Variants in UBE2F observed in about 807,000 individuals in gnomAD.
UBE2F encodes the protein ubiquitin conjugating enzyme E2 F (putative), also known as NEDD8-conjugating enzyme UBE2F.
UBE2F carries 5 observed loss-of-function variants against 29.6 expected under a neutral mutation model. That is an observed-to-expected ratio of 0.17 (90% confidence interval 0.09 to 0.36). The LOEUF (loss-of-function observed/expected upper bound fraction) is 0.36. Among genes scored for constraint, UBE2F ranks in the 10% least tolerant of loss-of-function variants. UBE2F has a pLI of 1.00. For synonymous variants in UBE2F, 66 were observed against 81.8 expected (o/e 0.81, Z 1.04); for missense variants, 141 against 228.5 (o/e 0.62, Z 2.47).
chr2:238,026,685 G>A (rs1227727278), intron 6 of UBE2F, among the ~76,000 whole-genome samples: 8 of 152,040 alleles, frequency 5.3e-5, no homozygotes, highest in Admixed American at 1.3e-4. Flanking sequence ...TGCCCGCCTC[G>A]GCCTCCTAGA....
rs991844258 is a variant in UBE2F at position 238,040,005 on chromosome 2, G to A, written c.508-1283G>A. Among the ~76,000 whole-genome samples the A allele has an allele frequency of 6.6e-6, 1 of 152,150 alleles. No individual in the cohort carries two copies. Among genetic ancestry groups the A allele is most frequent in the African/African-American group, 2.4e-5 (1 of 41,426 alleles). On this transcript the variant is annotated intron_variant, in intron 9 of 9. Transcript: ENST00000272930. This position sits in a 1 kb window ranked among gnomAD's most constrained non-coding sequence, Gnocchi z 4.4. Reference sequence around the variant, plus strand: ...TTTCTGCACAGTCCCCCTTTGTTGCGGGGTAAAGGCCCATGTGGGAGGCTC... The same window carrying A: ...TTTCTGCACAGTCCCCCTTTGTTGCAGGGTAAAGGCCCATGTGGGAGGCTC...
intron 4 of UBE2F, among the ~76,000 whole-genome samples, chr2:238,008,407 G>A (rs1040161633): frequency 6.6e-6 from 1 of 152,144 alleles, no homozygotes; most frequent in Non-Finnish European, 1.5e-5. Context: ...TCACTAATTT[G>A]TGTCCTTCAA....
chr2:237,999,400 T>A (rs76019430), intron 4 of UBE2F, among the ~76,000 whole-genome samples: 2,705 of 152,312 alleles, frequency 0.018, 71 homozygotes, highest in African/African-American at 0.062. Flanking sequence ...GTGCAGTTTA[T>A]CAGTTTTTTA....
rs375663033 is a variant in UBE2F, at chr2:238,011,727, C to G, written c.215-4839C>G. The stretch of plus-strand genomic sequence containing the variant: ...TATGCTAGAAACAAAGGTCTGATAC[C>G]AGTTTTCTTCCATTATTTTGTCTTT... On this transcript the variant is annotated intron_variant, in intron 4 of 9. Coordinates refer to ENST00000272930, the MANE Select transcript of UBE2F (RefSeq NM_080678.3). Among the ~76,000 whole-genome samples the G allele has an allele frequency of 4.4e-4, 67 of 152,230 alleles. 5 individuals are homozygous for G. In the South Asian group the frequency reaches 0.014, roughly 32 times the overall value.
intron 6 of UBE2F, among the ~76,000 whole-genome samples, chr2:238,029,311 G>A (rs2064513356): frequency 6.6e-6 from 1 of 152,038 alleles, no homozygotes; most frequent in African/African-American, 2.4e-5. Flanking sequence ...AGTTACGGCT[G>A]GGCGTGGTGG....
At position 238,040,624 on chromosome 2, in the gene UBE2F, A is replaced by G. The variant is rs1474771248; in HGVS notation, c.508-664A>G. On this transcript the variant is annotated intron_variant, in intron 9 of 9. Coordinates refer to ENST00000272930, the MANE Select transcript of UBE2F (RefSeq NM_080678.3). The surrounding 1 kb of genome is among the most constrained non-coding windows in gnomAD (Gnocchi z 4.4). ...TTTTACTCCTAACCTTGGGGAGACC[A>G]GATCCAGGGACAAACCTGACAGTGG... Among the ~76,000 whole-genome samples, 1 of 152,190 alleles carries G rather than the reference A, an allele frequency of 6.6e-6. No homozygotes were observed. Among genetic ancestry groups the G allele is most frequent in the Non-Finnish European group, 1.5e-5 (1 of 68,032 alleles).
intron 4 of UBE2F, among the ~76,000 whole-genome samples, chr2:238,006,943 A>G (rs142536894): frequency 0.027 from 4,051 of 151,950 alleles, 171 homozygotes; most frequent in African/African-American, 0.093. Context: ...TTTAGTAGAG[A>G]TGAGGTTTCA....
At chr2:238,021,280 C>T (rs2064285947) in intron 5 of UBE2F, among the ~76,000 whole-genome samples, 1 of 152,236 alleles carries the variant, frequency 6.6e-6, no homozygotes, top group African/African-American at 2.4e-5. Context: ...GCCAGAGACA[C>T]TTGTTGAACA....
In UBE2F at chr2:238,041,349, C is replaced by T. The variant is rs753043149; in HGVS notation, c.*11C>T. On this transcript the variant is annotated 3_prime_UTR_variant, in exon 10 of 10. Coordinates refer to ENST00000272930, the MANE Select transcript of UBE2F (RefSeq NM_080678.3). ...CGTTATGCCAGATGATAAAAGGGGA[C>T]GATTGCAGGCCCATGGACTGTGTTA... 31 of 1,613,414 alleles carry T rather than the reference C, an allele frequency of 1.9e-5. No homozygotes were observed. The highest frequency in any genetic ancestry group is 4.5e-5 in the East Asian group (2 of 44,886).
At chr2:237,993,005 T>TC (rs60983736) in intron 3 of UBE2F, among the ~76,000 whole-genome samples, 1 of 151,810 alleles carries the variant, frequency 6.6e-6, no homozygotes, top group Non-Finnish European at 1.5e-5. Flanking sequence ...TTTTTTTTTT[T>TC]CAGATGGAGT....
In UBE2F at chr2:238,023,788, C is replaced by A. The variant is rs146145341; in HGVS notation, c.283-1554C>A. ...GGAGGTCCTGGAGAAGAGGCCCTCT[C>A]CCTTACTGCAGGTTGTGGTGGGGTT... On this transcript the variant is annotated intron_variant, in intron 5 of 9. Transcript: ENST00000272930. Among the ~76,000 whole-genome samples the A allele has an allele frequency of 1.8e-3, 279 of 152,282 alleles. 1 individual carries two copies. Among genetic ancestry groups the A allele is most frequent in the African/African-American group, 6.3e-3 (263 of 41,560 alleles).
intron 4 of UBE2F, among the ~76,000 whole-genome samples, chr2:238,007,501 A>G (rs1015654867): frequency 5.3e-5 from 7 of 132,784 alleles, no homozygotes; most frequent in African/African-American, 2.0e-4. Flanking sequence ...ATACATATAT[A>G]TGTATATGTA....
Position 238,019,613 on chromosome 2 carries a change from G to A in UBE2F, c.282+2980G>A, listed in dbSNP as rs189085611. On this transcript the variant is annotated intron_variant, in intron 5 of 9. Transcript: ENST00000272930. ...ACTCTCGACCTCAGGTGATCTGCCC[G>A]CCACGGCCTCCCAAAGTGCTGGGGA... Among the ~76,000 whole-genome samples the A allele has an allele frequency of 4.1e-5, 6 of 146,782 alleles. No individual in the cohort carries two copies. The East Asian group carries it at 6.1e-4, about 15-fold the overall frequency.
chr2:237,967,161 GGGGCGAGGTGCGGCCGCCGGTGCAC>G lies in UBE2F; in HGVS notation c.-17+34_-17+58del. ...AGGAGCGACCGTGCGGCTCTGCGGC[GGGGCGAGGTGCGGCCGCCGGTGCAC>G]GGGCTGGCCTGCGGGCCGGGCGGAG... is the stretch of plus-strand genomic sequence containing the variant. On this transcript the variant is annotated intron_variant, in intron 1 of 9. Transcript: ENST00000272930. The surrounding 1 kb of genome is among the most constrained non-coding windows in gnomAD (Gnocchi z 6.3). The G allele has an allele frequency of 8.4e-7, 1 of 1,187,060 alleles. No homozygotes were observed. The highest frequency in any genetic ancestry group is 1.0e-6 in the Non-Finnish European group (1 of 959,624). 73.5% of individuals were successfully genotyped at this position (1,187,060 alleles called of 1,614,324 possible).
intron 2 of UBE2F, among the ~76,000 whole-genome samples, chr2:237,980,913 G>T (rs989292006): frequency 2.6e-5 from 4 of 152,230 alleles, no homozygotes; most frequent in Non-Finnish European, 4.4e-5. Flanking sequence ...AGTACGTGCT[G>T]TGTGGGGGCC....
chr2:237,979,181 T>C (rs2063336590), intron 2 of UBE2F, among the ~76,000 whole-genome samples: 1 of 152,204 alleles, frequency 6.6e-6, no homozygotes, highest in Non-Finnish European at 1.5e-5. Context: ...GGGTTGATTC[T>C]GTGCGTACCC....
At chr2:238,007,914 C>T (rs1419252956) in intron 4 of UBE2F, among the ~76,000 whole-genome samples, 1 of 151,936 alleles carries the variant, frequency 6.6e-6, no homozygotes, top group Non-Finnish European at 1.5e-5. Context: ...TGGGGAGTGT[C>T]CTATTCTCTG....
At chr2:237,996,864 G>A (rs968203034) in intron 4 of UBE2F, among the ~76,000 whole-genome samples, 8 of 152,286 alleles carry the variant, frequency 5.3e-5, no homozygotes, top group African/African-American at 1.4e-4. Context: ...GTTGGTCTTA[G>A]AATTGTCCTT....
intron 6 of UBE2F, among the ~76,000 whole-genome samples, chr2:238,028,331 T>G (rs1264002714): frequency 1.3e-5 from 2 of 152,264 alleles, no homozygotes; most frequent in East Asian, 3.8e-4. Context: ...TAATGTTGAT[T>G]GAGCTTAGGC....
Sources: gnomAD v4.1 joint callset for allele counts (sites outside exome capture counted in the v4.1 genomes callset) on GRCh38, gnomAD v4.1.1 for gene constraint, Gnocchi (gnomAD v3.1) non-coding constraint, MANE v1.5 for transcripts, NCBI Gene and HGNC (gene_info 2026-07-23, HGNC 2026-07-21) for gene names.